Variants in SRBD1 observed in about 807,000 individuals in gnomAD.
SRBD1 encodes S1 RNA binding domain 1.
SRBD1 carries 88 observed loss-of-function variants against 115.3 expected under a neutral mutation model. The ratio of observed to expected loss-of-function variants is 0.76; its 90% CI spans 0.64 to 0.91. The LOEUF is 0.91. Among genes scored for constraint, SRBD1 ranks in the 40% least tolerant of loss-of-function variants. The pLI is 0.00. For missense variants in SRBD1, 1,385 were observed against 1,177.4 expected, an observed-to-expected ratio of 1.18 and a Z score of -2.58; for synonymous variants, 509 against 407.7, an observed-to-expected ratio of 1.25 and a Z score of -2.99.
chr2:45,451,562 G>A (rs999661431), intron 16 of SRBD1, among the ~76,000 whole-genome samples: 1 of 151,888 alleles, frequency 6.6e-6, no homozygotes, highest in Non-Finnish European at 1.5e-5. Context: ...ATACTCTGCA[G>A]AAGATCTGCC....
At chr2:45,569,542 T>C (rs1231463717) in intron 9 of SRBD1, 2 of 152,226 alleles carry the variant, frequency 1.3e-5, no homozygotes, top group East Asian at 1.9e-4. Context: ...AGGTTAGGAA[T>C]ACTAGTTTTT....
At chr2:45,480,961 ATTG>A (rs1177004750) in intron 15 of SRBD1, among the ~76,000 whole-genome samples, 1 of 152,184 alleles carries the variant, frequency 6.6e-6, no homozygotes, top group African/African-American at 2.4e-5. Context: ...AGACTACTTC[ATTG>A]TTGTCTTATT....
chr2:45,400,054 G>A (rs1667250755), intron 19 of SRBD1, among the ~76,000 whole-genome samples: 1 of 152,142 alleles, frequency 6.6e-6, no homozygotes. Context: ...TACTATAAAT[G>A]CCATCCTGTC....
At chr2:45,537,505 C>T (rs1172277983) in intron 14 of SRBD1, among the ~76,000 whole-genome samples, 1 of 152,196 alleles carries the variant, frequency 6.6e-6, no homozygotes, top group Non-Finnish European at 1.5e-5. Flanking sequence ...GAGGGATACT[C>T]TGCTGACTGG....
At chr2:45,511,257 C>A (rs1342634823) in intron 14 of SRBD1, among the ~76,000 whole-genome samples, 1 of 152,228 alleles carries the variant, frequency 6.6e-6, no homozygotes, top group Non-Finnish European at 1.5e-5. Flanking sequence ...GCCAAAGCTG[C>A]GTATCTTCGG....
At chr2:45,486,560 T>C (rs1332419806) in intron 15 of SRBD1, among the ~76,000 whole-genome samples, 1 of 151,876 alleles carries the variant, frequency 6.6e-6, no homozygotes, top group Non-Finnish European at 1.5e-5. Flanking sequence ...ACCTCGTCTC[T>C]ACTAAAAAAT....
At chr2:45,521,973 AAAAG>A (rs755665263) in intron 14 of SRBD1, among the ~76,000 whole-genome samples, 26 of 152,102 alleles carry the variant, frequency 1.7e-4, no homozygotes, top group East Asian at 1.2e-3. Flanking sequence ...ATCTCCCAAA[AAAAG>A]AAAGAAAGAA....
chr2:45,425,068 G>A (rs1558384291), intron 16 of SRBD1, among the ~76,000 whole-genome samples: 1 of 152,264 alleles, frequency 6.6e-6, no homozygotes. Flanking sequence ...TAGCCCCCCT[G>A]AGCATCCTGT....
At chr2:45,507,145 G>A (rs1053213909) in intron 14 of SRBD1, among the ~76,000 whole-genome samples, 1 of 152,158 alleles carries the variant, frequency 6.6e-6, no homozygotes, top group African/African-American at 2.4e-5. Context: ...ATGGTAAACA[G>A]ACACATGAAA....
In SRBD1 at chr2:45,413,187, C is replaced by G; in HGVS notation, c.2440G>C (p.Val814Leu). The change falls in exon 19 of 21, where the codon GTG (valine) becomes CTG (leucine). Residue 814 changes from valine to leucine, a missense_variant. Coordinates refer to ENST00000263736, the MANE Select transcript of SRBD1 (RefSeq NM_018079.5). ...KQGKKKSKTAVNVLLKPNPLD... is the reference protein window; with the variant it reads ...KQGKKKSKTALNVLLKPNPLD... ...GGATTTGGCTTCAGTAAAACATTCA[C>G]TGCAGTTTTGCTCTTCTTTTTGCCC... The G allele has an allele frequency of 6.2e-7, 1 of 1,614,130 alleles. No individual in the cohort carries two copies. Among genetic ancestry groups the G allele is most frequent in the Non-Finnish European group, 8.5e-7 (1 of 1,179,988 alleles).
rs1672287931 is a variant in SRBD1, at chr2:45,551,205, C to T, written c.1595G>A (p.Ser532Asn). ...GRNLRQLLLT[S>N]PVPGRTLMGV... ...CATTAAGGTGCGCCCTGGAACAGGG[C>T]TTGTTAAAAGGAGCTGACGAAGGTT... Residue 532 changes from serine to asparagine, a missense_variant, in exon 12 of 21, where the codon AGC (serine) becomes AAC (asparagine). Physicochemically the swap from Ser to Asn is conservative, Grantham distance 46 (BLOSUM62 1). Transcript: ENST00000263736. 1 of 1,612,870 alleles carries T rather than the reference C, an allele frequency of 6.2e-7. No individual in the cohort carries two copies. Among genetic ancestry groups the T allele is most frequent in the African/African-American group, 1.3e-5 (1 of 74,874 alleles).
chr2:45,389,199 A>G lies in SRBD1; in HGVS notation c.*111T>C, dbSNP rs866949137. 2 of 1,226,890 alleles carry G rather than the reference A, an allele frequency of 1.6e-6. No individual in the cohort carries two copies. Among genetic ancestry groups the G allele is most frequent in the African/African-American group, 1.5e-5 (1 of 65,720 alleles). 76.0% of individuals were successfully genotyped at this position (1,226,890 alleles called of 1,614,324 possible). A position where few individuals can be genotyped will look rare whatever the true frequency, so the allele number is the denominator to read the frequency against. On this transcript the variant is annotated 3_prime_UTR_variant, in exon 21 of 21. Transcript: ENST00000263736. ...AAAGTGTTTGGAAAATATTTCTGAT[A>G]TTAAGTGAATTATTTCTCATCTGCT...
At chr2:45,543,192 T>C (rs900631872) in intron 14 of SRBD1, among the ~76,000 whole-genome samples, 13 of 152,242 alleles carry the variant, frequency 8.5e-5, no homozygotes, top group African/African-American at 2.7e-4. Context: ...AGACTCAGCA[T>C]GGTTACATTC....
intron 15 of SRBD1, 113 bp from the exon 16 acceptor site, chr2:45,477,188 T>C (rs530022836): frequency 3.0e-5 from 24 of 791,192 alleles, no homozygotes; most frequent in Non-Finnish European, 4.6e-5. Context: ...CTCCTCATCA[T>C]CCCTCTAAAA....
intron 4 of SRBD1, among the ~76,000 whole-genome samples, chr2:45,597,485 A>G (rs1022275360): frequency 1.3e-5 from 2 of 152,150 alleles, no homozygotes; most frequent in African/African-American, 4.8e-5. Context: ...TAACTAATAA[A>G]ACTAATGGCA....
chr2:45,582,747 T>C (rs189979488), intron 5 of SRBD1, among the ~76,000 whole-genome samples: 8 of 152,272 alleles, frequency 5.3e-5, no homozygotes, highest in Non-Finnish European at 1.5e-5. Context: ...TGGCATATGA[T>C]ATTTCAGGCT....
At chr2:45,590,956 G>C (rs1673702691) in intron 4 of SRBD1, among the ~76,000 whole-genome samples, 1 of 151,670 alleles carries the variant, frequency 6.6e-6, no homozygotes, top group East Asian at 1.9e-4. Context: ...GGCAGAGGTT[G>C]CAGTGAGCCG....
intron 4 of SRBD1, among the ~76,000 whole-genome samples, chr2:45,595,876 T>C (rs1314633795): frequency 1.3e-5 from 2 of 152,164 alleles, no homozygotes; most frequent in African/African-American, 4.8e-5. Context: ...AGCTTAATAA[T>C]TGCCATCAGA....
At chr2:45,602,829 G>A (rs1038234834) in intron 2 of SRBD1, among the ~76,000 whole-genome samples, 11 of 152,172 alleles carry the variant, frequency 7.2e-5, no homozygotes, top group Non-Finnish European at 2.9e-5. Flanking sequence ...TGAGTGAATA[G>A]GGAAGTCTGG....
Sources: gnomAD v4.1 joint callset for allele counts (sites outside exome capture counted in the v4.1 genomes callset) on GRCh38, gnomAD v4.1.1 for gene constraint, MANE v1.5 for transcripts, NCBI Gene and HGNC (gene_info 2026-07-23, HGNC 2026-07-21) for gene names.